The following VSIG1 variants were observed in gnomAD, a reference collection of about 807,000 sequenced individuals.
VSIG1 encodes V-set and immunoglobulin domain containing 1.
Under a neutral mutation model 20.1 loss-of-function variants are expected in VSIG1, and 11 were observed. That is an observed-to-expected ratio of 0.55 (90% CI 0.34 to 0.91). VSIG1 has a LOEUF of 0.91. VSIG1 is among the 40% of genes least tolerant of loss of function. VSIG1 has a pLI of 0.02. For missense variants in VSIG1, 283 were observed against 298.8 expected, an observed-to-expected ratio of 0.95 and a Z score of 0.39; for synonymous variants, 126 against 116.7, an observed-to-expected ratio of 1.08 and a Z score of -0.52.
chrX:108,020,794 G>A, the VSIG1 span, among the ~76,000 whole-genome samples: 7 of 111,599 alleles, frequency 6.3e-5, no homozygotes, highest in Non-Finnish European at 9.4e-5. Flanking sequence ...CCACCAGTCC[G>A]AAATGGGGAA....
At chrX:108,032,501 T>C in the VSIG1 span, among the ~76,000 whole-genome samples, 777 of 111,561 alleles carry the variant, frequency 7.0e-3, 9 homozygotes, top group African/African-American at 0.024. Context: ...TGTACTGTAA[T>C]GTAACATGAT....
Position 108,078,842 on chromosome X carries a change from C to A in VSIG1, c.*1461C>A, listed in dbSNP as rs1430291304. The A allele has an allele frequency of 1.8e-5, 2 of 111,839 alleles. No homozygotes were observed. The highest frequency in any genetic ancestry group is 3.8e-5 in the Non-Finnish European group (2 of 53,190). The allele number at this position is 111,839 out of a possible 1,213,427, so 9.2% of individuals were successfully genotyped here. A position where few individuals can be genotyped will look rare whatever the true frequency, so the allele number is the denominator to read the frequency against. ...TCTTAAGATCTATTTTAGATAATTT[C>A]AACTAATTAAATAACCTGTTTTACT... On this transcript the variant is annotated 3_prime_UTR_variant, in exon 7 of 7. Transcript: ENST00000217957.
At chrX:108,034,112 G>A in the VSIG1 span, among the ~76,000 whole-genome samples, 1 of 110,663 alleles carries the variant, frequency 9.0e-6, no homozygotes, top group Admixed American at 9.6e-5. Flanking sequence ...CTATCAGAAG[G>A]GCTGAACTGG....
intron 3 of VSIG1, among the ~76,000 whole-genome samples, chrX:108,068,941 G>T (rs1555982464): frequency 9.0e-6 from 1 of 111,535 alleles, no homozygotes; most frequent in African/African-American, 3.3e-5. Flanking sequence ...TTCTTTACAG[G>T]TTTGTTATGA....
chrX:108,025,089 C>T, the VSIG1 span, among the ~76,000 whole-genome samples: 1 of 111,390 alleles, frequency 9.0e-6, no homozygotes, highest in Non-Finnish European at 1.9e-5. Context: ...GTATTTATCA[C>T]TTCAATTCTA....
intron 4 of VSIG1, 95 bp downstream of exon 4, chrX:108,072,927 ATCT>A (rs1428465570): frequency 1.4e-5 from 13 of 938,814 alleles, no homozygotes; most frequent in South Asian, 1.3e-4. Flanking sequence ...TTACAGTTCA[ATCT>A]TCTTGTTTTC....
the VSIG1 span, among the ~76,000 whole-genome samples, chrX:108,029,601 A>G: frequency 8.9e-6 from 1 of 112,187 alleles, no homozygotes; most frequent in African/African-American, 3.2e-5. Flanking sequence ...AACCCTGAGC[A>G]TTCCTAAAAA....
Position 108,067,012 on chromosome X carries a change from G to C in VSIG1, c.290G>C (p.Gly97Ala). The C allele has an allele frequency of 2.5e-6, 3 of 1,211,094 alleles. No individual in the cohort carries two copies. The highest frequency in any genetic ancestry group is 2.2e-6 in the Non-Finnish European group (2 of 895,045). Residue 97 changes from glycine to alanine, a missense_variant, in exon 3 of 7, where the codon GGT becomes GCT. Gly to Ala is a moderately conservative substitution (Grantham distance 60, BLOSUM62 0). Transcript: ENST00000217957. ...KDRITGSNDP[G>A]NASITISHMQ... ...CGAATTACAGGGTCCAACGATCCAGGTAATGCATCTATCACTATCTCGCAT... is the reference window on the plus strand; with the variant it reads ...CGAATTACAGGGTCCAACGATCCAGCTAATGCATCTATCACTATCTCGCAT...
chrX:108,050,492 C>T (rs965337062), intron 1 of VSIG1, among the ~76,000 whole-genome samples: 7 of 112,028 alleles, frequency 6.2e-5, no homozygotes, highest in East Asian at 2.8e-4. Context: ...TTATAGTCTT[C>T]GACAATGCAA....
chrX:108,075,627 G>A (rs747141589), intron 5 of VSIG1, among the ~76,000 whole-genome samples: 7 of 111,106 alleles, frequency 6.3e-5, no homozygotes, highest in Non-Finnish European at 9.4e-5. Flanking sequence ...CCAGATGCCT[G>A]TTTATCAAAA....
At chrX:108,032,409 G>A in the VSIG1 span, among the ~76,000 whole-genome samples, 5 of 111,846 alleles carry the variant, frequency 4.5e-5, no homozygotes, top group Admixed American at 4.7e-4. Context: ...TAGGTGATTA[G>A]GATGCAGGAA....
At chrX:108,057,481 G>T (rs1048987005) in intron 1 of VSIG1, among the ~76,000 whole-genome samples, 2 of 112,496 alleles carry the variant, frequency 1.8e-5, no homozygotes, top group East Asian at 2.8e-4. Context: ...CCACCATCTT[G>T]CAGAATGCTA....
intron 2 of VSIG1, among the ~76,000 whole-genome samples, chrX:108,063,467 G>A (rs1384364783): frequency 9.0e-6 from 1 of 111,144 alleles, no homozygotes; most frequent in African/African-American, 3.3e-5. Context: ...GTCAGATTTG[G>A]CCAGTGGATG....
chrX:108,035,058 G>A, the VSIG1 span, among the ~76,000 whole-genome samples: 2 of 112,002 alleles, frequency 1.8e-5, no homozygotes. Context: ...CTGCTTTTGT[G>A]TCTACTTTGT....
At position 108,076,114 on chromosome X, in the gene VSIG1, T is replaced by C; in HGVS notation, c.726T>C (p.Gly242=). Residue 242 remains glycine (G), a synonymous_variant, in exon 6 of 7, where the codon GGT becomes GGC. Transcript: ENST00000217957. The part of the protein sequence containing the change: ...EVGIIVGALI[G]SLVGAAIIIS... ...GAATCATTGTTGGGGCCTTGATTGGTAGCCTGGTAGGTGCCGCCATCATCA... is the reference window on the plus strand; with the variant it reads ...GAATCATTGTTGGGGCCTTGATTGGCAGCCTGGTAGGTGCCGCCATCATCA... The C allele has an allele frequency of 8.3e-7, 1 of 1,211,485 alleles. No individual in the cohort carries two copies. Among genetic ancestry groups the C allele is most frequent in the East Asian group, 3.0e-5 (1 of 33,871 alleles).
chrX:108,033,023 A>G, the VSIG1 span, among the ~76,000 whole-genome samples: 1 of 111,634 alleles, frequency 9.0e-6, no homozygotes, highest in Non-Finnish European at 1.9e-5. Flanking sequence ...TGCAGGTCCT[A>G]CAGGAGACCA....
At chrX:108,047,859 CATATATATATACACAT>C (rs2030640052) in intron 1 of VSIG1, among the ~76,000 whole-genome samples, 1 of 39,709 alleles carries the variant, frequency 2.5e-5, no homozygotes, top group African/African-American at 1.3e-4. Context: ...TATATATACA[CATATATATATACACAT>C]ATATATATAT....
intron 1 of VSIG1, among the ~76,000 whole-genome samples, chrX:108,045,525 A>G (rs746185471): frequency 8.9e-6 from 1 of 112,869 alleles, no homozygotes; most frequent in South Asian, 3.6e-4. Context: ...TACTTACTTT[A>G]GTGTTTCCTT....
At chrX:108,052,252 C>CA (rs1379660047) in intron 1 of VSIG1, among the ~76,000 whole-genome samples, 1 of 110,260 alleles carries the variant, frequency 9.1e-6, no homozygotes, top group African/African-American at 3.3e-5. Flanking sequence ...AAAAAGTATT[C>CA]AAAAAAATAA....
Sources: allele counts gnomAD v4.1 joint callset (sites outside exome capture counted in the v4.1 genomes callset), GRCh38; gene constraint gnomAD v4.1.1; transcripts MANE v1.5; gene names NCBI Gene and HGNC (gene_info 2026-07-23, HGNC 2026-07-21).